NAALADL2: variants seen among roughly 807,000 people sequenced by gnomAD.
NAALADL2 encodes N-acetylated alpha-linked acidic dipeptidase like 2.
In NAALADL2, 76 loss-of-function variants were observed where a neutral mutation model predicts 87.2. That is an observed-to-expected ratio of 0.87 (90% confidence interval 0.72 to 1.05). NAALADL2 has a LOEUF of 1.05. NAALADL2 is among the 50% of genes least tolerant of loss of function. NAALADL2 has a pLI of 0.00. For missense variants in NAALADL2, 1,089 were observed against 945.8 expected (o/e 1.15, Z -1.99); for synonymous variants, 354 against 331.0 (o/e 1.07, Z -0.75).
At chr3:175,195,273 A>G (rs1409041968) in intron 2 of NAALADL2, among the ~76,000 whole-genome samples, 1 of 151,798 alleles carries the variant, frequency 6.6e-6, no homozygotes, top group Non-Finnish European at 1.5e-5. Flanking sequence ...GAGACAATGA[A>G]TAGAACAATC....
chr3:174,862,964 C>T (rs1010211474), intron 1 of NAALADL2, among the ~76,000 whole-genome samples: 2 of 152,034 alleles, frequency 1.3e-5, no homozygotes, highest in African/African-American at 4.8e-5. Context: ...TGGCTGGATC[C>T]TGAGGAATGC....
intron 13 of NAALADL2, among the ~76,000 whole-genome samples, chr3:175,800,888 AC>A (rs1466553009): frequency 2.0e-5 from 3 of 152,308 alleles, no homozygotes; most frequent in East Asian, 3.9e-4. Flanking sequence ...AACAGATAAG[AC>A]AGAGATGGAT....
At chr3:174,719,095 A>G (rs1731469685) in intron 2 of NAALADL2, among the ~76,000 whole-genome samples, 1 of 152,208 alleles carries the variant, frequency 6.6e-6, no homozygotes. Flanking sequence ...AAGGTGGTTT[A>G]TATTCACCAT....
chr3:175,645,027 C>T (rs560194832), intron 11 of NAALADL2, among the ~76,000 whole-genome samples: 11 of 151,888 alleles, frequency 7.2e-5, no homozygotes, highest in African/African-American at 1.9e-4. Context: ...TTAAACAATT[C>T]GTTTTATAGA....
At chr3:175,209,547 C>T (rs1193560817) in intron 2 of NAALADL2, among the ~76,000 whole-genome samples, 1 of 151,926 alleles carries the variant, frequency 6.6e-6, no homozygotes, top group African/African-American at 2.4e-5. Context: ...ACTTCTCTAA[C>T]TTAAGAATGT....
At chr3:175,264,303 G>A (rs1751570126) in intron 4 of NAALADL2, among the ~76,000 whole-genome samples, 1 of 151,746 alleles carries the variant, frequency 6.6e-6, no homozygotes, top group Non-Finnish European at 1.5e-5. Flanking sequence ...AAGGTTGTGT[G>A]AAGATTAAAT....
At chr3:175,327,171 T>TTTTTTTTTTTTG (rs1760830976) in intron 5 of NAALADL2, among the ~76,000 whole-genome samples, 1 of 118,492 alleles carries the variant, frequency 8.4e-6, no homozygotes, top group Non-Finnish European at 1.7e-5. Flanking sequence ...TTTTTTTTTT[T>TTTTTTTTTTTTG]CTGAGATGGA....
At chr3:174,643,087 A>C (rs1291887976) in intron 2 of NAALADL2, among the ~76,000 whole-genome samples, 2 of 152,052 alleles carry the variant, frequency 1.3e-5, no homozygotes, top group African/African-American at 4.8e-5. Context: ...TGGCCACAAA[A>C]ATATAATTTT....
Position 174,606,542 on chromosome 3 carries a change from A to G in NAALADL2, c.-115+55905A>G, listed in dbSNP as rs151292947. On this transcript the variant is annotated intron_variant, in intron 2 of 3. Coordinates refer to the NAALADL2 transcript ENST00000434257. ...AAGAATTCAGAAGCCTCAGGAGTCG[A>G]TGTGATCAACTGGAAGAAAGGGTAT... 1.1e-4 allele frequency among the ~76,000 whole-genome samples: 16 copies of G among 152,368 alleles called. No homozygotes were observed. In the East Asian group the frequency reaches 2.5e-3, roughly 24 times the overall value.
chr3:175,562,741 A>T (rs557094913), intron 9 of NAALADL2, among the ~76,000 whole-genome samples: 1 of 152,082 alleles, frequency 6.6e-6, no homozygotes, highest in East Asian at 1.9e-4. Flanking sequence ...TGATTATTCT[A>T]TGATTTCTCA....
At chr3:175,492,056 C>T (rs543177636) in intron 9 of NAALADL2, among the ~76,000 whole-genome samples, 1 of 152,102 alleles carries the variant, frequency 6.6e-6, no homozygotes, top group Non-Finnish European at 1.5e-5. Flanking sequence ...TACAAAAGTA[C>T]AAATATCAGA....
At chr3:174,899,444 G>C (rs1019108716) in intron 1 of NAALADL2, among the ~76,000 whole-genome samples, 1 of 152,098 alleles carries the variant, frequency 6.6e-6, no homozygotes, top group African/African-American at 2.4e-5. Flanking sequence ...TCCTCCCCTT[G>C]GTGGTGTCCT....
intron 3 of NAALADL2, among the ~76,000 whole-genome samples, chr3:175,248,183 T>C (rs1748353757): frequency 6.6e-6 from 1 of 152,226 alleles, no homozygotes; most frequent in Admixed American, 6.5e-5. Context: ...TTTGAATTAC[T>C]GTTCTACTAT....
chr3:175,758,396 T>TTA (rs777172641), intron 13 of NAALADL2, among the ~76,000 whole-genome samples: 3 of 151,660 alleles, frequency 2.0e-5, no homozygotes, highest in East Asian at 3.9e-4. Context: ...CTATATTAAT[T>TTA]TATATATATT....
intron 4 of NAALADL2, among the ~76,000 whole-genome samples, chr3:175,317,224 C>T (rs935108977): frequency 3.3e-5 from 5 of 151,930 alleles, no homozygotes; most frequent in South Asian, 2.1e-4. Context: ...TAGCTTGATA[C>T]TTTTGACTTA....
intron 5 of NAALADL2, among the ~76,000 whole-genome samples, chr3:175,399,350 T>C (rs1382824134): frequency 6.6e-6 from 1 of 152,064 alleles, no homozygotes; most frequent in Non-Finnish European, 1.5e-5. Flanking sequence ...TACCTAACTT[T>C]CCGGGAATGC....
At chr3:175,334,106 A>G (rs1210562923) in intron 5 of NAALADL2, among the ~76,000 whole-genome samples, 1 of 152,156 alleles carries the variant, frequency 6.6e-6, no homozygotes, top group Non-Finnish European at 1.5e-5. Flanking sequence ...TCATACCTAG[A>G]GTCAGCCATT....
intron 10 of NAALADL2, among the ~76,000 whole-genome samples, chr3:175,576,563 G>A (rs1293329960): frequency 1.3e-5 from 2 of 151,990 alleles, no homozygotes; most frequent in Non-Finnish European, 2.9e-5. Flanking sequence ...TTCATGGTCT[G>A]TATGTTAATG....
intron 11 of NAALADL2, among the ~76,000 whole-genome samples, chr3:175,664,006 A>C (rs914831844): frequency 6.6e-6 from 1 of 152,034 alleles, no homozygotes; most frequent in Non-Finnish European, 1.5e-5. Context: ...ATTTGGGAAA[A>C]ACAAAATGAA....
Sources: allele counts gnomAD v4.1 joint callset (sites outside exome capture counted in the v4.1 genomes callset), GRCh38; gene constraint gnomAD v4.1.1; transcripts MANE v1.5; gene names NCBI Gene and HGNC (gene_info 2026-07-23, HGNC 2026-07-21).